The following PLEKHA6 variants were observed in gnomAD, a reference collection of about 807,000 sequenced individuals.
The protein encoded by PLEKHA6 is pleckstrin homology domain containing A6, also known as pleckstrin homology domain-containing family A member 6.
In PLEKHA6, 60 loss-of-function variants were observed where a neutral mutation model predicts 116.7. The ratio of observed to expected loss-of-function variants is 0.51; its 90% CI spans 0.42 to 0.64. The LOEUF (loss-of-function observed/expected upper bound fraction) is 0.64, where lower values mean the gene tolerates loss of function less well. Ranked by LOEUF, PLEKHA6 falls within the 30% of genes least tolerant of loss-of-function variation. PLEKHA6 has a pLI of 0.00. For missense variants in PLEKHA6, 1,338 were observed against 1,422.7 expected (o/e 0.94, Z 0.96); for synonymous variants, 489 against 556.1 (o/e 0.88, Z 1.70).
chr1:204,240,975 G>T (rs756550922), intron 17 of PLEKHA6, among the ~76,000 whole-genome samples: 3 of 152,144 alleles, frequency 2.0e-5, no homozygotes, highest in Non-Finnish European at 4.4e-5. Context: ...TCCCGTGCTG[G>T]ATGCTTCCTG....
At chr1:204,275,607 T>C (rs1339119194) in intron 1 of PLEKHA6, 1 of 652,266 alleles carries the variant, frequency 1.5e-6, no homozygotes, top group African/African-American at 2.0e-5. Flanking sequence ...GAAGACCTGC[T>C]GTGGCTCCTC....
intron 1 of PLEKHA6, among the ~76,000 whole-genome samples, chr1:204,348,027 A>C (rs4951365): frequency 0.68 from 103,457 of 151,940 alleles, 35,501 homozygotes; most frequent in East Asian, 0.82. Flanking sequence ...ACGTACATCC[A>C]ACTTGAATTT....
In PLEKHA6 at chr1:204,244,011, C is replaced by T. The variant is rs527397104; in HGVS notation, c.2172+853G>A. 5.3e-5 allele frequency among the ~76,000 whole-genome samples: 8 copies of T among 150,258 alleles called. No individual in the cohort carries two copies. The South Asian group carries it at 1.1e-3, about 20-fold the overall frequency. On this transcript the variant is annotated intron_variant, in intron 15 of 22. Transcript: ENST00000272203. ...AATTTTTTGTATTTTTTAGTAGAGA[C>T]AGGGTTTCACTGTGTTAGCCAGGAT...
chr1:204,287,109 A>C (rs1481852852), intron 1 of PLEKHA6, among the ~76,000 whole-genome samples: 1 of 152,130 alleles, frequency 6.6e-6, no homozygotes, highest in African/African-American at 2.4e-5. Context: ...CCCTAGGTTC[A>C]ACCTAGCATC....
chr1:204,281,994 T>C (rs1668674379), intron 1 of PLEKHA6, among the ~76,000 whole-genome samples: 1 of 152,136 alleles, frequency 6.6e-6, no homozygotes, highest in Admixed American at 6.5e-5. Flanking sequence ...ATAGAAGAGA[T>C]GGCTCCGTGG....
In PLEKHA6 at chr1:204,267,520, T is replaced by C. The variant is rs1394987915; in HGVS notation, c.235A>G (p.Lys79Glu). ...QASSGVKQWN[K>E]RWFVLVDRCL... ...CGATCCACCAGGACGAACCAGCGCT[T>C]GTTCCACTGCTTAACCCCGGAGCTG... Residue 79 changes from lysine to glutamate, a missense_variant, in exon 5 of 23, where the codon AAG (lysine) becomes GAG (glutamate). Around this residue, in one of 3 missense-constraint regions of PLEKHA6, gnomAD observed 140 missense variants for 197.4 expected, o/e 0.71. Transcript: ENST00000272203. 3 of 1,613,972 alleles carry C rather than the reference T, an allele frequency of 1.9e-6. No homozygotes were observed. Among genetic ancestry groups the C allele is most frequent in the Non-Finnish European group, 2.5e-6 (3 of 1,180,020 alleles).
At chr1:204,241,625 C>A in intron 16 of PLEKHA6, 60 bp downstream of exon 16, 1 of 1,517,684 alleles carries the variant, frequency 6.6e-7, no homozygotes, top group South Asian at 1.3e-5. Context: ...GAATGAGCAC[C>A]CAGGGCTCCT....
chr1:204,297,756 A>T, intron 1 of PLEKHA6: 1 of 335,282 alleles, frequency 3.0e-6, no homozygotes, highest in Non-Finnish European at 4.2e-6. Flanking sequence ...GAACCACCAG[A>T]AACATCGGAA....
At chr1:204,242,636 G>C (rs1196211679) in intron 15 of PLEKHA6, among the ~76,000 whole-genome samples, 1 of 152,236 alleles carries the variant, frequency 6.6e-6, no homozygotes, top group African/African-American at 2.4e-5. Flanking sequence ...AGCCAGAACA[G>C]GAGAGAAAAG....
rs377250288 is a variant in PLEKHA6, at chr1:204,224,715, C to T, written c.3032-1130G>A. ...ACTCATCGCACACAGCTCACATAAG[C>T]GTATTTGTGTACTTCCAAGCCTGTG... On this transcript the variant is annotated intron_variant, in intron 21 of 22. Transcript: ENST00000272203. Among the ~76,000 whole-genome samples, 300 of 152,340 alleles carry T rather than the reference C, an allele frequency of 2.0e-3. 1 individual carries two copies. The highest frequency in any genetic ancestry group is 0.016 in the South Asian group (77 of 4,828).
At chr1:204,251,599 C>T (rs755026114) in intron 9 of PLEKHA6, 12 of 702,664 alleles carry the variant, frequency 1.7e-5, no homozygotes, top group South Asian at 7.4e-5. Context: ...ATGAGAGTCT[C>T]GCTCTCACTC....
rs188620217 is a variant in PLEKHA6 at position 204,338,269 on chromosome 1, A to G, written c.-95+21425T>C. The stretch of plus-strand genomic sequence containing the variant: ...AGCTCTACCAAGGAAGTCCCTTCCC[A>G]GTGGCTGCCACATATGTAAAAGAAT... On this transcript the variant is annotated intron_variant, in intron 1 of 22. Transcript: ENST00000272203. 7.2e-5 allele frequency among the ~76,000 whole-genome samples: 11 copies of G among 152,328 alleles called. No homozygotes were observed. The East Asian group carries it at 2.1e-3, about 29-fold the overall frequency.
intron 1 of PLEKHA6, among the ~76,000 whole-genome samples, chr1:204,321,011 T>A (rs1397519332): frequency 6.6e-6 from 1 of 151,930 alleles, no homozygotes. Flanking sequence ...AGGGGGCAGA[T>A]GATGAAGGGG....
At chr1:204,338,156 C>T (rs1332389200) in intron 1 of PLEKHA6, among the ~76,000 whole-genome samples, 1 of 152,166 alleles carries the variant, frequency 6.6e-6, no homozygotes, top group Non-Finnish European at 1.5e-5. Context: ...ACTAGGTGAC[C>T]CAACTATGTC....
chr1:204,368,565 T>C (rs1417743078), intron 2 of PLEKHA6: 1 of 152,322 alleles, frequency 6.6e-6, no homozygotes, highest in African/African-American at 2.4e-5. Context: ...TCCCCACAGG[T>C]GGCCATAGCA....
At position 204,221,292 on chromosome 1, in the gene PLEKHA6, T is replaced by C. The variant is rs1171191839; in HGVS notation, c.*1496A>G. The C allele has an allele frequency of 6.6e-6, 1 of 152,602 alleles. No homozygotes were observed. The highest frequency in any genetic ancestry group is 1.5e-5 in the Non-Finnish European group (1 of 68,030). 9.5% of individuals were successfully genotyped at this position (152,602 alleles called of 1,614,324 possible). On this transcript the variant is annotated 3_prime_UTR_variant, in exon 23 of 23. Transcript: ENST00000272203. ...CCAGCCATGAAGGAGTGCAGAGGAA[T>C]TAGTAGGTGTTCTTGGGACCGCTGG...
At chr1:204,315,703 A>G (rs1671832565) in intron 1 of PLEKHA6, among the ~76,000 whole-genome samples, 1 of 152,224 alleles carries the variant, frequency 6.6e-6, no homozygotes, top group Non-Finnish European at 1.5e-5. Context: ...CCCCACCTTC[A>G]AGGAAACCCT....
At chr1:204,230,265 G>T (rs1660976044) in intron 18 of PLEKHA6, 148 bp downstream of exon 18, 1 of 572,402 alleles carries the variant, frequency 1.7e-6, no homozygotes, top group Non-Finnish European at 3.0e-6. Flanking sequence ...TGGGGGAGAG[G>T]ACTCTCCGGC....
At chr1:204,276,004 C>T (rs2102920221) in intron 1 of PLEKHA6, among the ~76,000 whole-genome samples, 1 of 152,318 alleles carries the variant, frequency 6.6e-6, no homozygotes, top group East Asian at 1.9e-4. Flanking sequence ...GGAAGGAGAT[C>T]TTAGCTTAGT....
Sources: gnomAD v4.1 joint callset for allele counts (sites outside exome capture counted in the v4.1 genomes callset) on GRCh38, gnomAD v4.1.1 for gene constraint, gnomAD v4.1.1 regional missense constraint, MANE v1.5 for transcripts, NCBI Gene and HGNC (gene_info 2026-07-23, HGNC 2026-07-21) for gene names.